DIP2C: variants seen among roughly 807,000 people sequenced by gnomAD.
DIP2C encodes disco-interacting protein 2 homolog C.
In DIP2C, 33 loss-of-function variants were observed where a neutral mutation model predicts 192.4. The observed-to-expected ratio is 0.17, with a 90% CI of 0.13 to 0.23. The LOEUF (loss-of-function observed/expected upper bound fraction) is 0.23. Among genes scored for constraint, DIP2C ranks in the 10% least tolerant of loss-of-function variants. The pLI is 1.00. For missense variants in DIP2C, 1,537 were observed against 2,110.1 expected, an observed-to-expected ratio of 0.73 and a Z score of 5.32; for synonymous variants, 979 against 864.1, an observed-to-expected ratio of 1.13 and a Z score of -2.33.
intron 10 of DIP2C, among the ~76,000 whole-genome samples, chr10:391,979 T>C (rs1466381137): frequency 6.6e-6 from 1 of 152,204 alleles, no homozygotes; most frequent in Non-Finnish European, 1.5e-5. Context: ...TCTGTGGAAT[T>C]TTCATGGAGC....
chr10:605,464 G>C (rs569664619), intron 1 of DIP2C, among the ~76,000 whole-genome samples: 1 of 152,126 alleles, frequency 6.6e-6, no homozygotes, highest in Non-Finnish European at 1.5e-5. Context: ...CAACAAATAA[G>C]ATCAACTGAT....
At chr10:535,084 G>C (rs1847625304) in intron 1 of DIP2C, among the ~76,000 whole-genome samples, 1 of 152,192 alleles carries the variant, frequency 6.6e-6, no homozygotes, top group Admixed American at 6.5e-5. Flanking sequence ...TCTCCCTGCA[G>C]GATGGTACAG....
chr10:532,544 T>TATGGGTGAGA (rs1554892908), intron 1 of DIP2C, among the ~76,000 whole-genome samples: 1,521 of 113,378 alleles, frequency 0.013, 113 homozygotes, highest in Middle Eastern at 0.031. Context: ...AGTATGGGTG[T>TATGGGTGAGA]GAGAGAGTAT....
chr10:487,522 C>T (rs1363023654), intron 1 of DIP2C, among the ~76,000 whole-genome samples: 2 of 148,722 alleles, frequency 1.3e-5, no homozygotes, highest in Non-Finnish European at 3.0e-5. Context: ...CAACACGGAG[C>T]CAAGAACCAA....
intron 7 of DIP2C, among the ~76,000 whole-genome samples, chr10:414,964 A>G (rs1393645874): frequency 7.2e-6 from 1 of 139,510 alleles, no homozygotes; most frequent in Non-Finnish European, 1.5e-5. Context: ...CTGGTCTCGA[A>G]CTCCCAGGCT....
At chr10:356,590 AACCCATAGAGGCTGAGTG>A in intron 23 of DIP2C, 84 bp from the exon 24 acceptor site, 2 of 1,154,952 alleles carry the variant, frequency 1.7e-6, no homozygotes, top group Non-Finnish European at 2.5e-6. Flanking sequence ...TGGATACTCA[AACCCATAGAGGCTGAGTG>A]CTTTGGGTCT....
chr10:302,408 C>T (rs1467558226), intron 32 of DIP2C, among the ~76,000 whole-genome samples: 2 of 152,158 alleles, frequency 1.3e-5, no homozygotes, highest in African/African-American at 4.8e-5. Context: ...TTCATTGCAG[C>T]CAAACCACCC....
chr10:440,749 G>A lies in DIP2C; in HGVS notation c.394+122C>T, dbSNP rs1287965690. 2.8e-6 allele frequency: 4 copies of A among 1,405,960 alleles called. No homozygotes were observed. The East Asian group carries it at 7.2e-5, about 25-fold the overall frequency. 87.1% of individuals were successfully genotyped at this position (1,405,960 alleles called of 1,614,324 possible). On this transcript the variant is annotated intron_variant, in intron 4 of 36. Coordinates refer to ENST00000280886, the MANE Select transcript of DIP2C (RefSeq NM_014974.3). ...ATACAACACTGTTTTTGGACTTCTG[G>A]TTCACAAAATCTGCATTACTGCTTC...
intron 9 of DIP2C, among the ~76,000 whole-genome samples, chr10:407,864 A>G (rs1215801771): frequency 6.6e-6 from 1 of 152,106 alleles, no homozygotes; most frequent in Admixed American, 6.6e-5. Flanking sequence ...ATTTTCTCCC[A>G]TTCTGTAGGT....
chr10:482,983 C>T (rs1843716635), intron 2 of DIP2C, among the ~76,000 whole-genome samples: 1 of 152,218 alleles, frequency 6.6e-6, no homozygotes, highest in South Asian at 2.1e-4. Flanking sequence ...GTATAACTCA[C>T]ATTTCTTCCT....
chr10:479,459 G>A (rs940622702), intron 2 of DIP2C, among the ~76,000 whole-genome samples: 5 of 151,272 alleles, frequency 3.3e-5, no homozygotes, highest in Admixed American at 1.3e-4. Flanking sequence ...TCAGCGTCCC[G>A]AGGAGCTGGA....
chr10:319,647 A>C (rs1956922864), intron 31 of DIP2C, among the ~76,000 whole-genome samples: 1 of 152,226 alleles, frequency 6.6e-6, no homozygotes, highest in Admixed American at 6.5e-5. Flanking sequence ...AGAGAAATTT[A>C]TGTGAAAGCT....
chr10:658,482 G>C (rs1425241124), intron 1 of DIP2C, among the ~76,000 whole-genome samples: 1 of 152,270 alleles, frequency 6.6e-6, no homozygotes, highest in Non-Finnish European at 1.5e-5. Flanking sequence ...GAGAGCAGCT[G>C]TCCCAGCTCT....
At chr10:279,625 G>A (rs1210154204) in intron 36 of DIP2C, among the ~76,000 whole-genome samples, 1 of 152,278 alleles carries the variant, frequency 6.6e-6, no homozygotes, top group East Asian at 1.9e-4. Context: ...TCAGCATGGA[G>A]CAGCCGATGG....
At chr10:443,148 T>C (rs989761130) in intron 3 of DIP2C, among the ~76,000 whole-genome samples, 1 of 152,176 alleles carries the variant, frequency 6.6e-6, no homozygotes, top group African/African-American at 2.4e-5. Context: ...ACTACTCACA[T>C]TGCAATTAAG....
chr10:349,286 GA>G, intron 25 of DIP2C, 44 bp downstream of exon 25: 1 of 1,583,156 alleles, frequency 6.3e-7, no homozygotes, highest in Non-Finnish European at 8.6e-7. Context: ...CACCGCGGCT[GA>G]CCGGCTTGCC....
intron 1 of DIP2C, among the ~76,000 whole-genome samples, chr10:557,297 G>GT (rs887912493): frequency 6.6e-6 from 1 of 152,172 alleles, no homozygotes; most frequent in African/African-American, 2.4e-5. Flanking sequence ...CACAGCCCTG[G>GT]ACAGAATCTT....
At chr10:420,570 G>T (rs751579286) in intron 5 of DIP2C, among the ~76,000 whole-genome samples, 1 of 152,190 alleles carries the variant, frequency 6.6e-6, no homozygotes, top group Non-Finnish European at 1.5e-5. Flanking sequence ...CAGCTCCGAG[G>T]TGTGAAAACG....
intron 1 of DIP2C, among the ~76,000 whole-genome samples, chr10:554,402 C>T (rs777208821): frequency 2.6e-5 from 4 of 152,212 alleles, no homozygotes; most frequent in Admixed American, 2.0e-4. Flanking sequence ...ACAGTGATAT[C>T]TGATCCTTAT....
Sources: gnomAD v4.1 joint callset for allele counts (sites outside exome capture counted in the v4.1 genomes callset) on GRCh38, gnomAD v4.1.1 for gene constraint, MANE v1.5 for transcripts, NCBI Gene and HGNC (gene_info 2026-07-23, HGNC 2026-07-21) for gene names.